The following PKP4 variants were observed in gnomAD, a reference collection of about 807,000 sequenced individuals.
PKP4 encodes the protein plakophilin 4.
Under a neutral mutation model 145.1 loss-of-function variants are expected in PKP4, and 90 were observed. That is an observed-to-expected ratio of 0.62 (90% CI 0.52 to 0.74). The LOEUF is 0.74. PKP4 is among the 30% of genes least tolerant of loss of function. The probability of loss-of-function intolerance (pLI) is 0.00; values close to 1 mark genes in which losing one functional copy is unlikely to be tolerated. For missense variants in PKP4, 1,340 were observed against 1,482.7 expected, an observed-to-expected ratio of 0.90 and a Z score of 1.58; for synonymous variants, 563 against 577.2, an observed-to-expected ratio of 0.98 and a Z score of 0.35.
At chr2:158,672,530 C>G (rs901944058) in intron 17 of PKP4, among the ~76,000 whole-genome samples, 2 of 152,184 alleles carry the variant, frequency 1.3e-5, no homozygotes, top group East Asian at 3.9e-4. Flanking sequence ...CAGCAATGGC[C>G]GGGCCCAGCT....
At chr2:158,679,912 T>C (rs2058323591) in intron 21 of PKP4, among the ~76,000 whole-genome samples, 1 of 152,232 alleles carries the variant, frequency 6.6e-6, no homozygotes, top group Non-Finnish European at 1.5e-5. Context: ...CATACATCTT[T>C]TAAAATGTAG....
At chr2:158,644,630 A>G (rs1005192073) in intron 11 of PKP4, among the ~76,000 whole-genome samples, 1 of 152,232 alleles carries the variant, frequency 6.6e-6, no homozygotes, top group African/African-American at 2.4e-5. Flanking sequence ...ATAACTACAG[A>G]GTAATACTAT....
chr2:158,500,518 G>T (rs543748681), intron 1 of PKP4, among the ~76,000 whole-genome samples: 3 of 152,218 alleles, frequency 2.0e-5, no homozygotes, highest in Non-Finnish European at 4.4e-5. Flanking sequence ...AAAATGCAGT[G>T]CTTATTTAAC....
intron 8 of PKP4, chr2:158,632,328 A>G (rs937433226): frequency 5.2e-6 from 1 of 193,582 alleles, no homozygotes; most frequent in East Asian, 1.3e-4. Context: ...TTACTTGGCC[A>G]TCTTTGATTT....
chr2:158,663,238 T>G, intron 14 of PKP4, 34 bp from the exon 15 acceptor site: 1 of 1,595,442 alleles, frequency 6.3e-7, no homozygotes, highest in Non-Finnish European at 8.6e-7. Context: ...ATGTTCATTC[T>G]GCCTCCATTT....
intron 11 of PKP4, among the ~76,000 whole-genome samples, chr2:158,649,061 ATG>A (rs2055100671): frequency 6.6e-6 from 1 of 152,232 alleles, no homozygotes. Context: ...AACCCTGAAA[ATG>A]TGTAATGAGA....
chr2:158,667,230 G>A (rs1044637080), intron 16 of PKP4, among the ~76,000 whole-genome samples: 2 of 152,150 alleles, frequency 1.3e-5, no homozygotes, highest in African/African-American at 2.4e-5. Context: ...GGCAGGATGC[G>A]GGCTAAAGAA....
At chr2:158,560,142 C>T (rs1248835792) in intron 2 of PKP4, among the ~76,000 whole-genome samples, 1 of 152,192 alleles carries the variant, frequency 6.6e-6, no homozygotes, top group East Asian at 1.9e-4. Context: ...GCTAGGATTA[C>T]AGGCGTGAGC....
intron 19 of PKP4, among the ~76,000 whole-genome samples, chr2:158,676,174 C>A (rs1009412741): frequency 8.6e-5 from 13 of 151,952 alleles, no homozygotes; most frequent in South Asian, 4.1e-4. Flanking sequence ...TCCTTGATCA[C>A]CATAAAAAGA....
At chr2:158,619,033 A>T (rs2051938419) in intron 4 of PKP4, among the ~76,000 whole-genome samples, 1 of 152,090 alleles carries the variant, frequency 6.6e-6, no homozygotes, top group Non-Finnish European at 1.5e-5. Context: ...GCTAGTTCGT[A>T]TTTGCTTTCC....
chr2:158,522,805 A>T (rs893556085), intron 1 of PKP4, among the ~76,000 whole-genome samples: 1 of 152,226 alleles, frequency 6.6e-6, no homozygotes, highest in Non-Finnish European at 1.5e-5. Flanking sequence ...AGGGCGAGGC[A>T]TTGCCTCACC....
At chr2:158,680,395 CTTTTA>C (rs1287594373) in intron 21 of PKP4, 29 bp from the exon 22 acceptor site, 9 of 1,530,826 alleles carry the variant, frequency 5.9e-6, no homozygotes, top group African/African-American at 2.8e-5. Context: ...TAAAAAATTG[CTTTTA>C]TTTATTTGCC....
intron 1 of PKP4, among the ~76,000 whole-genome samples, chr2:158,490,712 A>C (rs2105463076): frequency 6.6e-6 from 1 of 152,340 alleles, no homozygotes; most frequent in South Asian, 2.1e-4. Context: ...GTAGGTTTAC[A>C]GTAGCAAATC....
chr2:158,584,454 C>T (rs1390414127), intron 3 of PKP4, among the ~76,000 whole-genome samples: 1 of 152,168 alleles, frequency 6.6e-6, no homozygotes, highest in Non-Finnish European at 1.5e-5. Context: ...TTCCAGTAGG[C>T]ATTGTACGAT....
At chr2:158,664,926 A>G (rs2056941187) in intron 15 of PKP4, among the ~76,000 whole-genome samples, 1 of 128,648 alleles carries the variant, frequency 7.8e-6, no homozygotes, top group African/African-American at 2.9e-5. Flanking sequence ...TTCTGTGACC[A>G]GAGGATCATT....
At chr2:158,548,463 C>A in intron 2 of PKP4, 1 of 137,604 alleles carries the variant, frequency 7.3e-6, no homozygotes, top group South Asian at 2.2e-4. Context: ...AGAAGGTGGC[C>A]CTGGCCCCTG....
At chr2:158,654,817 G>T (rs2055759142) in intron 11 of PKP4, among the ~76,000 whole-genome samples, 2 of 152,024 alleles carry the variant, frequency 1.3e-5, no homozygotes, top group Admixed American at 1.3e-4. Context: ...AAATAAAAGA[G>T]AAATCTAAAA....
Position 158,634,237 on chromosome 2 carries a change from G to A in PKP4, c.1510G>A (p.Asp504Asn). 1 of 1,614,110 alleles carries A rather than the reference G, an allele frequency of 6.2e-7. No homozygotes were observed. Among genetic ancestry groups the A allele is most frequent in the South Asian group, 1.1e-5 (1 of 91,064 alleles). ...CAGGCTTCAGCATGCAGTGCCGGCT[G>A]ATGATGGCACCACAAGATCCCCATC... ...YNRLQHAVPA[D>N]DGTTRSPSID... Residue 504 changes from aspartate (D) to asparagine (N), a missense_variant, in exon 9 of 22, where the codon GAT becomes AAT. By Grantham distance (23) the Asp-to-Asn change is conservative. Coordinates refer to ENST00000389759, the MANE Select transcript of PKP4 (RefSeq NM_003628.6).
intron 1 of PKP4, among the ~76,000 whole-genome samples, chr2:158,474,576 T>G (rs1692151390): frequency 6.6e-6 from 1 of 152,340 alleles, no homozygotes; most frequent in Admixed American, 6.5e-5. Flanking sequence ...ATGTTTTCCG[T>G]AATTCATTTT....
Sources: gnomAD v4.1 joint callset for allele counts (sites outside exome capture counted in the v4.1 genomes callset) on GRCh38, gnomAD v4.1.1 for gene constraint, MANE v1.5 for transcripts, NCBI Gene and HGNC (gene_info 2026-07-23, HGNC 2026-07-21) for gene names.